The following PAWR variants were observed in gnomAD, a reference collection of about 807,000 sequenced individuals.
The protein encoded by PAWR is pro-apoptotic WT1 regulator.
PAWR carries 23 observed loss-of-function variants against 32.0 expected under a neutral mutation model. The observed-to-expected ratio is 0.72, with a 90% CI of 0.52 to 1.02. The LOEUF is 1.02. Among genes scored for constraint, PAWR ranks in the 50% least tolerant of loss-of-function variants. PAWR has a pLI of 0.00. For missense variants in PAWR, 457 were observed against 437.7 expected (o/e 1.04, Z -0.39); for synonymous variants, 226 against 187.1 (o/e 1.21, Z -1.70).
At chr12:79,609,628 G>A (rs1592498194) in intron 4 of PAWR, among the ~76,000 whole-genome samples, 1 of 152,022 alleles carries the variant, frequency 6.6e-6, no homozygotes, top group East Asian at 1.9e-4. Context: ...TGACAATGCT[G>A]CACCAGGGAA....
chr12:79,626,008 C>T (rs1875287310), intron 2 of PAWR, among the ~76,000 whole-genome samples: 1 of 147,828 alleles, frequency 6.8e-6, no homozygotes, highest in African/African-American at 2.5e-5. Flanking sequence ...ACTAAAAATA[C>T]AAAAAACTAG....
At chr12:79,609,035 C>T (rs1295598564) in intron 4 of PAWR, among the ~76,000 whole-genome samples, 1 of 152,106 alleles carries the variant, frequency 6.6e-6, no homozygotes, top group Non-Finnish European at 1.5e-5. Flanking sequence ...TGCTACTGCA[C>T]TCCAGCCTGG....
chr12:79,690,667 G>A (rs867383448), intron 1 of PAWR: 120 of 157,826 alleles, frequency 7.6e-4, no homozygotes, highest in Middle Eastern at 6.5e-3. Context: ...GCCGGCGGCG[G>A]TCGAGATACT....
intron 4 of PAWR, among the ~76,000 whole-genome samples, chr12:79,608,548 C>T (rs1327576079): frequency 2.0e-5 from 3 of 152,324 alleles, no homozygotes; most frequent in Non-Finnish European, 4.4e-5. Flanking sequence ...AGACAGGTAG[C>T]AGTCCACACC....
intron 2 of PAWR, among the ~76,000 whole-genome samples, chr12:79,657,662 C>T (rs555889109): frequency 3.3e-5 from 5 of 151,918 alleles, no homozygotes; most frequent in African/African-American, 9.7e-5. Context: ...GGCGTGGTGG[C>T]GGGCGCATGT....
chr12:79,639,911 CATTCT>C (rs982068653), intron 2 of PAWR, among the ~76,000 whole-genome samples: 9 of 102,868 alleles, frequency 8.7e-5, no homozygotes, highest in Admixed American at 6.1e-4. Flanking sequence ...CATTCCATTC[CATTCT>C]ATTCTAGAGA....
intron 2 of PAWR, among the ~76,000 whole-genome samples, chr12:79,666,510 T>A (rs1478147619): frequency 2.0e-5 from 3 of 152,182 alleles, no homozygotes; most frequent in Non-Finnish European, 4.4e-5. Context: ...AAATCTTACT[T>A]GCCTTTTCTC....
intron 2 of PAWR, among the ~76,000 whole-genome samples, chr12:79,649,071 C>A (rs554713052): frequency 6.8e-4 from 103 of 152,260 alleles, no homozygotes; most frequent in Non-Finnish European, 1.2e-3. Flanking sequence ...CCTAGCTGAA[C>A]ACTGTGATTC....
At chr12:79,684,508 G>C (rs1878590590) in intron 2 of PAWR, among the ~76,000 whole-genome samples, 1 of 152,006 alleles carries the variant, frequency 6.6e-6, no homozygotes, top group South Asian at 2.1e-4. Flanking sequence ...CTACTTGGGA[G>C]ACTGACGCAG....
At chr12:79,601,803 C>T (rs1873973687) in intron 4 of PAWR, among the ~76,000 whole-genome samples, 1 of 152,152 alleles carries the variant, frequency 6.6e-6, no homozygotes, top group East Asian at 1.9e-4. Context: ...CTAGTTCTAA[C>T]ATCAGTTTGA....
intron 2 of PAWR, among the ~76,000 whole-genome samples, chr12:79,657,541 C>T (rs1256014778): frequency 6.6e-6 from 1 of 152,168 alleles, no homozygotes; most frequent in Non-Finnish European, 1.5e-5. Flanking sequence ...CCCGTAATCC[C>T]AGCACTTTGG....
chr12:79,627,069 T>C lies in PAWR; in HGVS notation c.517-5862A>G, dbSNP rs190659851. ...AAACATACGTGTGCATGTGGCTTTATAGCAGCATGATTTATAATCCTTTGG... is the reference window on the plus strand; with the variant it reads ...AAACATACGTGTGCATGTGGCTTTACAGCAGCATGATTTATAATCCTTTGG... On this transcript the variant is annotated intron_variant, in intron 2 of 6. Transcript: ENST00000328827. Among the ~76,000 whole-genome samples the C allele has an allele frequency of 7.9e-5, 12 of 152,370 alleles. 1 individual carries two copies. Among genetic ancestry groups the C allele is most frequent in the Admixed American group, 3.9e-4 (6 of 15,308 alleles).
chr12:79,649,557 CAGA>C (rs1332621061), intron 2 of PAWR, among the ~76,000 whole-genome samples: 1 of 152,064 alleles, frequency 6.6e-6, no homozygotes, highest in Admixed American at 6.6e-5. Context: ...GAGGCCCACG[CAGA>C]AGGATTGCTT....
intron 4 of PAWR, 178 bp from the exon 5 acceptor site, chr12:79,596,836 G>A (rs1873779266): frequency 5.8e-6 from 3 of 513,296 alleles, no homozygotes; most frequent in Middle Eastern, 4.7e-4. Context: ...AAATGTAAAA[G>A]TACCATTAAT....
rs149084211 is a variant in PAWR, at chr12:79,674,250, C to T, written c.516+15479G>A. ...TCAGAGAACCCCAAAAATAAAGCTGCACACCTACAACCATCTGATCTTTGA... is the reference window on the plus strand; with the variant it reads ...TCAGAGAACCCCAAAAATAAAGCTGTACACCTACAACCATCTGATCTTTGA... On this transcript the variant is annotated intron_variant, in intron 2 of 6. Transcript: ENST00000328827. 6.5e-3 allele frequency among the ~76,000 whole-genome samples: 990 copies of T among 152,118 alleles called. 12 individuals carry two copies. Among genetic ancestry groups the T allele is most frequent in the African/African-American group, 0.02 (810 of 41,510 alleles).
Position 79,613,542 on chromosome 12 carries a change from T to C in PAWR, c.683+33A>G, listed in dbSNP as rs546441472. On this transcript the variant is annotated intron_variant, in intron 4 of 6. Transcript: ENST00000328827. ...ATGTCAGACAGACATTACATTCATG[T>C]CTACAATATGTTTAAGTCATAAGGA... is the stretch of plus-strand genomic sequence containing the variant. 26 of 1,239,452 alleles carry C rather than the reference T, an allele frequency of 2.1e-5. No individual in the cohort carries two copies. The Admixed American group carries it at 4.2e-4, about 20-fold the overall frequency. 76.8% of individuals were successfully genotyped at this position (1,239,452 alleles called of 1,614,324 possible).
chr12:79,679,726 T>G (rs1158107758), intron 2 of PAWR, among the ~76,000 whole-genome samples: 1 of 152,202 alleles, frequency 6.6e-6, no homozygotes, highest in Non-Finnish European at 1.5e-5. Context: ...ACTTAAGTTT[T>G]GAGGTAAAAG....
intron 2 of PAWR, among the ~76,000 whole-genome samples, chr12:79,631,656 G>A (rs1316788486): frequency 1.3e-5 from 2 of 152,058 alleles, no homozygotes; most frequent in Non-Finnish European, 2.9e-5. Context: ...GGAAAAATAT[G>A]CTATGTTAGG....
Position 79,690,265 on chromosome 12 carries a change from G to T in PAWR, c.-21C>A, listed in dbSNP as rs1878945017. On this transcript the variant is annotated 5_prime_UTR_variant, in exon 2 of 7. Coordinates refer to ENST00000328827, the MANE Select transcript of PAWR (RefSeq NM_002583.4). ...GCCATATTCCCAAAGGGGCCGGTCG[G>T]GCTCTCACCTCAGGCCGCCCACCAG... The T allele has an allele frequency of 6.8e-7, 1 of 1,480,910 alleles. No homozygotes were observed. The highest frequency in any genetic ancestry group is 8.9e-7 in the Non-Finnish European group (1 of 1,120,110). The allele number at this position is 1,480,910 out of a possible 1,614,324, so 91.7% of individuals were successfully genotyped here. A position where few individuals can be genotyped will look rare whatever the true frequency, so the allele number is the denominator to read the frequency against.
Sources: gnomAD v4.1 joint callset for allele counts (sites outside exome capture counted in the v4.1 genomes callset) on GRCh38, gnomAD v4.1.1 for gene constraint, MANE v1.5 for transcripts, NCBI Gene and HGNC (gene_info 2026-07-23, HGNC 2026-07-21) for gene names.